The following LARGE1 variants were observed in gnomAD, a reference collection of about 807,000 sequenced individuals.
The protein encoded by LARGE1 is LARGE xylosyl- and glucuronyltransferase 1.
In LARGE1, 43 loss-of-function variants were observed where a neutral mutation model predicts 87.6. The ratio of observed to expected loss-of-function variants is 0.49; its 90% confidence interval spans 0.38 to 0.63. The LOEUF (loss-of-function observed/expected upper bound fraction) is 0.63, where lower values mean the gene tolerates loss of function less well. LARGE1 is among the 30% of genes least tolerant of loss of function. The probability of loss-of-function intolerance (pLI) is 0.00; values close to 1 mark genes in which losing one functional copy is unlikely to be tolerated. For synonymous variants in LARGE1, 434 were observed against 394.6 expected, an observed-to-expected ratio of 1.10 and a Z score of -1.18; for missense variants, 802 against 1,000.2, an observed-to-expected ratio of 0.80 and a Z score of 2.67.
chr22:33,277,130 G>A lies in LARGE1; in HGVS notation c.2003C>T (p.Pro668Leu), dbSNP rs781736716. The A allele has an allele frequency of 6.8e-6, 11 of 1,614,096 alleles. No individual in the cohort carries two copies. Among genetic ancestry groups the A allele is most frequent in the Admixed American group, 1.7e-5 (1 of 59,996 alleles). ...GCCTACAAACCTCCGGTCGTACTCCGGGCAGTCACGTCTCACAACAACATA... is the reference window on the plus strand; with the variant it reads ...GCCTACAAACCTCCGGTCGTACTCCAGGCAGTCACGTCTCACAACAACATA... ...EPYVVVRRDC[P>L]EYDRRFVGFG... The change falls in exon 14 of 15, where the codon CCG becomes CTG. Residue 668 changes from proline to leucine, a missense_variant. By Grantham distance (98) the Pro-to-Leu change is moderately conservative. Transcript: ENST00000397394.
intron 10 of LARGE1, among the ~76,000 whole-genome samples, chr22:33,321,853 C>T (rs1052531012): frequency 6.6e-6 from 1 of 152,200 alleles, no homozygotes; most frequent in Admixed American, 6.5e-5. Context: ...GAGTCTCACT[C>T]AGTCGCCCAG....
At chr22:33,378,573 C>T (rs937200058) in intron 9 of LARGE1, among the ~76,000 whole-genome samples, 1 of 152,192 alleles carries the variant, frequency 6.6e-6, no homozygotes, top group Non-Finnish European at 1.5e-5. Flanking sequence ...CTTGTTTGAA[C>T]AATAAATTAT....
chr22:33,155,622 A>G, the LARGE1 span, among the ~76,000 whole-genome samples: 1 of 152,202 alleles, frequency 6.6e-6, no homozygotes, highest in Non-Finnish European at 1.5e-5. Flanking sequence ...ACAGAGCATA[A>G]AAGTTTGGAA....
intron 9 of LARGE1, among the ~76,000 whole-genome samples, chr22:33,356,353 A>G (rs1278082442): frequency 6.6e-6 from 1 of 152,232 alleles, no homozygotes; most frequent in African/African-American, 2.4e-5. Flanking sequence ...TTAGCCTGCC[A>G]TTCTCTGGCA....
chr22:33,258,216 G>C (rs943287036), intron 11 of LARGE1, among the ~76,000 whole-genome samples: 2 of 152,138 alleles, frequency 1.3e-5, no homozygotes, highest in East Asian at 1.9e-4. Flanking sequence ...TTTTTTAGTA[G>C]AGATGGGGTT....
intron 11 of LARGE1, among the ~76,000 whole-genome samples, chr22:33,241,533 CATATATGTGTATATATGTATATGT>C (rs998236964): frequency 1.3e-5 from 2 of 150,928 alleles, no homozygotes; most frequent in African/African-American, 2.4e-5. Flanking sequence ...TATATATGTA[CATATATGTGTATATATGTATATGT>C]ATATATGTGT....
intron 11 of LARGE1, among the ~76,000 whole-genome samples, chr22:33,310,162 A>C (rs1319731974): frequency 6.6e-6 from 1 of 152,072 alleles, no homozygotes; most frequent in Non-Finnish European, 1.5e-5. Flanking sequence ...ACAAGCTCCC[A>C]TGCAATGCTG....
intron 6 of LARGE1, among the ~76,000 whole-genome samples, chr22:33,464,668 T>C (rs528512371): frequency 5.8e-4 from 88 of 152,308 alleles, no homozygotes; most frequent in African/African-American, 1.9e-3. Flanking sequence ...ATCATTCTTC[T>C]AGATTGGAAA....
Position 33,763,768 on chromosome 22 carries a change from G to T in LARGE1, c.-82-2210C>A, listed in dbSNP as rs2084808598. ...AGCCTTTAATGAAGTGCTTACCAAA[G>T]ATATTTTAAGTACATTTCAGGGGCA... On this transcript the variant is annotated intron_variant, in intron 1 of 14. Coordinates refer to ENST00000397394, the MANE Select transcript of LARGE1 (RefSeq NM_133642.5). Among the ~76,000 whole-genome samples, 4 of 148,210 alleles carry T rather than the reference G, an allele frequency of 2.7e-5. No individual in the cohort carries two copies. The South Asian group carries it at 8.8e-4, about 33-fold the overall frequency.
chr22:33,083,437 A>C, the LARGE1 span, among the ~76,000 whole-genome samples: 1 of 152,212 alleles, frequency 6.6e-6, no homozygotes, highest in South Asian at 2.1e-4. Flanking sequence ...ACAATACTAC[A>C]CATTGTCAGT....
intron 9 of LARGE1, among the ~76,000 whole-genome samples, chr22:33,360,514 A>G (rs759598123): frequency 4.0e-5 from 6 of 149,142 alleles, no homozygotes; most frequent in Non-Finnish European, 6.0e-5. Context: ...AAGAGGGAGG[A>G]GATGCTATAC....
chr22:33,115,917 G>A, the LARGE1 span, among the ~76,000 whole-genome samples: 4 of 151,934 alleles, frequency 2.6e-5, no homozygotes, highest in Non-Finnish European at 5.9e-5. Context: ...CATAAAGAGA[G>A]GCCTCAGGAG....
chr22:33,316,577 C>A (rs1936186168), intron 10 of LARGE1, among the ~76,000 whole-genome samples: 1 of 151,944 alleles, frequency 6.6e-6, no homozygotes, highest in Non-Finnish European at 1.5e-5. Flanking sequence ...CCTGTCTCTA[C>A]TGAAAATAGA....
chr22:33,913,710 A>T (rs2065703598), intron 1 of LARGE1, among the ~76,000 whole-genome samples: 1 of 146,738 alleles, frequency 6.8e-6, no homozygotes, highest in East Asian at 2.0e-4. Flanking sequence ...TGCCCAGCTA[A>T]TTTTTTTTTT....
intron 6 of LARGE1, among the ~76,000 whole-genome samples, chr22:33,538,512 C>T (rs1435522630): frequency 6.6e-6 from 1 of 152,198 alleles, no homozygotes; most frequent in Non-Finnish European, 1.5e-5. Context: ...GTGCAATCTT[C>T]CCTGAAGGTT....
intron 9 of LARGE1, among the ~76,000 whole-genome samples, chr22:33,367,122 ATT>A (rs59743659): frequency 6.7e-6 from 1 of 149,606 alleles, no homozygotes; most frequent in African/African-American, 2.4e-5. Flanking sequence ...ACAGTATTCT[ATT>A]TTTTTTTTCA....
At chr22:33,166,503 T>G (rs981684897) in exon 12 of LARGE1, 11 of 331,274 alleles carry the variant, frequency 3.3e-5, no homozygotes, top group South Asian at 1.7e-4. Flanking sequence ...ATGTACCACT[T>G]CAATGTTACC....
the LARGE1 span, among the ~76,000 whole-genome samples, chr22:33,155,713 A>T: frequency 2.6e-5 from 4 of 152,222 alleles, no homozygotes; most frequent in African/African-American, 9.6e-5. Flanking sequence ...AAATTTGCAT[A>T]AGTAATGAGA....
chr22:33,867,810 T>G (rs905205828), intron 1 of LARGE1, among the ~76,000 whole-genome samples: 1 of 152,110 alleles, frequency 6.6e-6, no homozygotes, highest in Non-Finnish European at 1.5e-5. Context: ...TGAGAGAACT[T>G]AAATAAAGTG....
Sources: gnomAD v4.1 joint callset for allele counts (sites outside exome capture counted in the v4.1 genomes callset) on GRCh38, gnomAD v4.1.1 for gene constraint, MANE v1.5 for transcripts, NCBI Gene and HGNC (gene_info 2026-07-23, HGNC 2026-07-21) for gene names.